Variants in SLC25A23 observed in about 807,000 individuals in gnomAD.
The protein encoded by SLC25A23 is mitochondrial adenyl nucleotide antiporter SLC25A23.
Under a neutral mutation model 53.9 loss-of-function variants are expected in SLC25A23, and 32 were observed. The observed-to-expected ratio is 0.59, with a 90% CI of 0.45 to 0.80. SLC25A23 has a LOEUF of 0.80. Ranked by LOEUF, SLC25A23 falls within the 30% of genes least tolerant of loss-of-function variation. The pLI, the probability that SLC25A23 is intolerant of heterozygous loss-of-function variation, is 0.00. For synonymous variants in SLC25A23, 275 were observed against 264.5 expected (o/e 1.04, Z -0.38); for missense variants, 575 against 651.4 (o/e 0.88, Z 1.28).
chr19:6,459,619 T>C lies in SLC25A23; in HGVS notation c.10A>G (p.Ser4Gly). Residue 4 changes from serine (S) to glycine (G), a missense_variant, in exon 1 of 10, where the codon AGC becomes GGC. Coordinates refer to ENST00000301454, the MANE Select transcript of SLC25A23 (RefSeq NM_024103.3). This position sits in a 1 kb window ranked among gnomAD's most constrained non-coding sequence, Gnocchi z 4.6. ...TGCCGCCGCTCCGCGTCGCCCGGGC[T>C]CCCCCGCATGGCGCCCGCCCGGGGG... Reference protein sequence around the residue: MRGSPGDAERRQRW... With the variant: MRGGPGDAERRQRW... 1 of 1,505,572 alleles carries C rather than the reference T, an allele frequency of 6.6e-7. No homozygotes were observed. Among genetic ancestry groups the C allele is most frequent in the Non-Finnish European group, 8.8e-7 (1 of 1,132,530 alleles). 93.3% of individuals were successfully genotyped at this position (1,505,572 alleles called of 1,614,324 possible).
At chr19:6,449,014 A>G (rs2092547530) in intron 8 of SLC25A23, among the ~76,000 whole-genome samples, 1 of 150,896 alleles carries the variant, frequency 6.6e-6, no homozygotes, top group Admixed American at 6.6e-5. Flanking sequence ...ACAGAGTGAG[A>G]CTCTGTCTCA....
chr19:6,452,783 G>A (rs1451729753), intron 7 of SLC25A23, among the ~76,000 whole-genome samples: 6 of 152,046 alleles, frequency 3.9e-5, no homozygotes, highest in Non-Finnish European at 7.4e-5. Context: ...CGAACTCCTG[G>A]GCTCAAGTGA....
At chr19:6,455,242 A>G (rs997192665) in intron 4 of SLC25A23, among the ~76,000 whole-genome samples, 1 of 152,150 alleles carries the variant, frequency 6.6e-6, no homozygotes, top group Admixed American at 6.6e-5. Flanking sequence ...ACTGCATTTC[A>G]GCCTGGGAAA....
rs1467849506 is a variant in SLC25A23, at chr19:6,459,247, G to A, written c.156+226C>T. ...AGACGCCCCCTGCCCCGCAGCAGGG[G>A]GATCGGGTGTTGGCCGCGGAACTGC... On this transcript the variant is annotated intron_variant, in intron 1 of 9. Coordinates refer to ENST00000301454, the MANE Select transcript of SLC25A23 (RefSeq NM_024103.3). This position sits in a 1 kb window ranked among gnomAD's most constrained non-coding sequence, Gnocchi z 4.6. Among the ~76,000 whole-genome samples, 5 of 152,300 alleles carry A rather than the reference G, an allele frequency of 3.3e-5. No individual in the cohort carries two copies. In the East Asian group the frequency reaches 9.7e-4, roughly 29 times the overall value.
downstream of SLC25A23, among the ~76,000 whole-genome samples, chr19:6,437,519 C>T (rs1160978248): frequency 7.9e-5 from 12 of 152,238 alleles, no homozygotes; most frequent in East Asian, 2.3e-3. Context: ...CCTTACAAGA[C>T]ATGGAATCGG....
intron 9 of SLC25A23, among the ~76,000 whole-genome samples, chr19:6,442,759 C>T (rs1451789427): frequency 6.6e-6 from 1 of 151,986 alleles, no homozygotes; most frequent in East Asian, 1.9e-4. Flanking sequence ...CCATGTTGGT[C>T]AGGCTGGTCT....
intron 3 of SLC25A23, 37 bp downstream of exon 3, chr19:6,457,466 C>T: frequency 6.3e-7 from 1 of 1,579,236 alleles, no homozygotes; most frequent in South Asian, 1.1e-5. Context: ...TCACTGTGTC[C>T]TGAGTTACTT....
intron 2 of SLC25A23, 69 bp downstream of exon 2, chr19:6,458,129 C>T: frequency 6.4e-7 from 1 of 1,568,670 alleles, no homozygotes; most frequent in Non-Finnish European, 8.6e-7. Context: ...CAGTTCTAAC[C>T]CCACTGATGT....
rs554494934 is a variant in SLC25A23, at chr19:6,444,661, T to A, written c.1072-360A>T. On this transcript the variant is annotated intron_variant, in intron 8 of 9. Transcript: ENST00000301454. ...GCCATCACAAGGGTCCTTCTTTTTT[T>A]AAAAATTATTATTATTATTATTTTG... Among the ~76,000 whole-genome samples, 54 of 152,228 alleles carry A rather than the reference T, an allele frequency of 3.5e-4. 1 individual carries two copies. Among genetic ancestry groups the A allele is most frequent in the East Asian group, 1.3e-3 (7 of 5,188 alleles).
Position 6,459,459 on chromosome 19 carries a change from G to A in SLC25A23, c.156+14C>T, listed in dbSNP as rs761339499. On this transcript the variant is annotated intron_variant, in intron 1 of 9. Transcript: ENST00000301454. This position sits in a 1 kb window ranked among gnomAD's most constrained non-coding sequence, Gnocchi z 4.6. ...GGGGCCGGGAGGGGAGGAGGTCCCT[G>A]GGGGTGGGGGTACCTGTTGGGCGCC... 6.3e-7 allele frequency: 1 copy of A among 1,580,606 alleles called. No homozygotes were observed. Among genetic ancestry groups the A allele is most frequent in the East Asian group, 2.3e-5 (1 of 43,018 alleles).
chr19:6,454,738 G>A lies in SLC25A23; in HGVS notation c.484-21C>T. 1.2e-6 allele frequency: 2 copies of A among 1,612,112 alleles called. No individual in the cohort carries two copies. Among genetic ancestry groups the A allele is most frequent in the East Asian group, 4.5e-5 (2 of 44,838 alleles). Reference sequence around the variant, plus strand: ...AGGACCTAAAGATACAGGTGTTGGGGGTGTCATGCCATGGTGGGGACAGGG... The same window carrying A: ...AGGACCTAAAGATACAGGTGTTGGGAGTGTCATGCCATGGTGGGGACAGGG... On this transcript the variant is annotated intron_variant, in intron 4 of 9. Coordinates refer to ENST00000301454, the MANE Select transcript of SLC25A23 (RefSeq NM_024103.3). This position sits in a 1 kb window ranked among gnomAD's most constrained non-coding sequence, Gnocchi z 4.3.
rs2092731603 is a variant in SLC25A23, at chr19:6,459,514, C to T, written c.115G>A (p.Ala39Thr). The T allele has an allele frequency of 6.3e-7, 1 of 1,596,526 alleles. No homozygotes were observed. Reference sequence around the variant, plus strand: ...TCTGGGTTGCCCCCGCCCAGCCTGGCCAGCCCCTGGCGCAACTCGTGCACG... The same window carrying T: ...TCTGGGTTGCCCCCGCCCAGCCTGGTCAGCCCCTGGCGCAACTCGTGCACG... Reference protein sequence around the residue: ...VDVHELRQGLARLGGGNPDPG... With the variant: ...VDVHELRQGLTRLGGGNPDPG... The change falls in exon 1 of 10, where the codon GCC becomes ACC. Residue 39 changes from alanine (A) to threonine (T), a missense_variant. Transcript: ENST00000301454. This position sits in a 1 kb window ranked among gnomAD's most constrained non-coding sequence, Gnocchi z 4.6.
In SLC25A23 at chr19:6,459,349, A is replaced by G; in HGVS notation, c.156+124T>C. The G allele has an allele frequency of 1.3e-6, 1 of 786,540 alleles. No individual in the cohort carries two copies. Among genetic ancestry groups the G allele is most frequent in the Non-Finnish European group, 1.9e-6 (1 of 537,630 alleles). 48.7% of individuals were successfully genotyped at this position (786,540 alleles called of 1,614,324 possible). On this transcript the variant is annotated intron_variant, in intron 1 of 9. Coordinates refer to ENST00000301454, the MANE Select transcript of SLC25A23 (RefSeq NM_024103.3). This position sits in a 1 kb window ranked among gnomAD's most constrained non-coding sequence, Gnocchi z 4.6. ...CGAGTGGGTAGGGGGAACGAGACAG[A>G]GACACAGGTTCTGGAGTCCAGCCAC...
intron 2 of SLC25A23, 21 bp from the exon 3 acceptor site, chr19:6,457,611 G>A: frequency 1.2e-6 from 2 of 1,608,872 alleles, no homozygotes; most frequent in Middle Eastern, 1.7e-4. Flanking sequence ...GGCCGGAGGT[G>A]GGGAAGGATG....
chr19:6,448,511 C>A (rs551565270), intron 8 of SLC25A23, among the ~76,000 whole-genome samples: 2 of 151,500 alleles, frequency 1.3e-5, no homozygotes, highest in East Asian at 4.0e-4. Context: ...CGCTCTCTCA[C>A]CCAGGGTGGA....
In SLC25A23 at chr19:6,441,981, G is replaced by A. The variant is rs1453934577; in HGVS notation, c.1401C>T (p.Ser467=). ...GGGACGGGCTCCGGGTCCCTCACCTGGACGTGACCCCCAAGGCCTGCTTCA... is the reference window on the plus strand; with the variant it reads ...GGGACGGGCTCCGGGTCCCTCACCTAGACGTGACCCCCAAGGCCTGCTTCA... ...ENMKQALGVT[S]R Residue 467 remains serine (S), a synonymous_variant, in exon 10 of 10, where the codon TCC becomes TCT. Transcript: ENST00000301454. 6.2e-7 allele frequency: 1 copy of A among 1,613,652 alleles called. No individual in the cohort carries two copies. Among genetic ancestry groups the A allele is most frequent in the South Asian group, 1.1e-5 (1 of 91,014 alleles).
At chr19:6,443,686 T>C in intron 9 of SLC25A23, 1 of 691,116 alleles carries the variant, frequency 1.4e-6, no homozygotes, top group Non-Finnish European at 2.6e-6. Context: ...ACACAAACAC[T>C]AAAATTCTCA....
At chr19:6,442,775 T>C (rs537652471) in intron 9 of SLC25A23, among the ~76,000 whole-genome samples, 2 of 151,938 alleles carry the variant, frequency 1.3e-5, no homozygotes, top group South Asian at 2.1e-4. Context: ...GGTCTCCAAC[T>C]CCCAACCTCA....
chr19:6,439,434 C>CACACACAG (rs1397312264), downstream of SLC25A23, among the ~76,000 whole-genome samples: 3 of 151,232 alleles, frequency 2.0e-5, no homozygotes, highest in African/African-American at 7.3e-5. Flanking sequence ...CACACACACA[C>CACACACAG]AGACACACAA....
Sources: gnomAD v4.1 joint callset for allele counts (sites outside exome capture counted in the v4.1 genomes callset) on GRCh38, gnomAD v4.1.1 for gene constraint, Gnocchi (gnomAD v3.1) non-coding constraint, MANE v1.5 for transcripts, NCBI Gene and HGNC (gene_info 2026-07-23, HGNC 2026-07-21) for gene names.